Variants in KLRG1 observed in about 807,000 individuals in gnomAD.
The protein encoded by KLRG1 is killer cell lectin like receptor G1.
Under a neutral mutation model 21.8 loss-of-function variants are expected in KLRG1, and 16 were observed. The observed-to-expected ratio is 0.73, with a 90% confidence interval of 0.50 to 1.11. The LOEUF is 1.11. Among genes scored for constraint, KLRG1 ranks in the 50% most tolerant of loss-of-function variants. KLRG1 has a pLI of 0.00. For synonymous variants in KLRG1, 69 were observed against 75.9 expected, an observed-to-expected ratio of 0.91 and a Z score of 0.47; for missense variants, 173 against 218.3, an observed-to-expected ratio of 0.79 and a Z score of 1.31.
At chr12:9,028,342 G>A in the KLRG1 span, among the ~76,000 whole-genome samples, 2 of 151,228 alleles carry the variant, frequency 1.3e-5, no homozygotes, top group Admixed American at 6.6e-5. Context: ...ATAGAGACAG[G>A]TTTCACCATG....
chr12:8,990,970 A>G (rs1208747091), intron 1 of KLRG1, among the ~76,000 whole-genome samples: 3 of 152,164 alleles, frequency 2.0e-5, no homozygotes, highest in African/African-American at 7.2e-5. Flanking sequence ...ATTATGCAGA[A>G]TTCTCTATTT....
intron 3 of KLRG1, among the ~76,000 whole-genome samples, chr12:8,998,764 A>C (rs1235662744): frequency 2.0e-5 from 3 of 152,046 alleles, no homozygotes; most frequent in African/African-American, 4.8e-5. Flanking sequence ...CAGCTTCCAG[A>C]ATCCATTTTG....
intron 3 of KLRG1, among the ~76,000 whole-genome samples, chr12:9,003,945 C>T (rs7968963): frequency 0.33 from 50,041 of 150,222 alleles, 8,894 homozygotes; most frequent in Non-Finnish European, 0.39. Flanking sequence ...TGAGTGAGAA[C>T]ATGCGGTGTT....
chr12:9,021,528 G>A, the KLRG1 span, among the ~76,000 whole-genome samples: 1 of 150,742 alleles, frequency 6.6e-6, no homozygotes, highest in African/African-American at 2.4e-5. Context: ...AGCCTCCCGA[G>A]TAGCTGGGCC....
At chr12:9,162,576 A>C in the KLRG1 span, 4 of 1,539,534 alleles carry the variant, frequency 2.6e-6, no homozygotes, top group Non-Finnish European at 3.6e-6. Context: ...TCTCACTATG[A>C]TTATGAAGAT....
At chr12:8,981,949 T>C (rs1190069222) in intron 1 of KLRG1, among the ~76,000 whole-genome samples, 1 of 152,236 alleles carries the variant, frequency 6.6e-6, no homozygotes, top group Non-Finnish European at 1.5e-5. Context: ...TTATATATGC[T>C]TGATGCAATC....
the KLRG1 span, among the ~76,000 whole-genome samples, chr12:9,083,572 AG>A: frequency 6.6e-6 from 1 of 151,994 alleles, no homozygotes; most frequent in Non-Finnish European, 1.5e-5. Context: ...GTGAGCTCAA[AG>A]ATAGAGTATT....
the KLRG1 span, chr12:9,090,071 A>T: frequency 6.4e-7 from 1 of 1,564,758 alleles, no homozygotes; most frequent in Non-Finnish European, 8.7e-7. Context: ...CCCTTCCTCC[A>T]TGCCTCCAAA....
chr12:9,146,520 A>C, the KLRG1 span, among the ~76,000 whole-genome samples: 1 of 151,988 alleles, frequency 6.6e-6, no homozygotes, highest in African/African-American at 2.4e-5. Context: ...TCTAGAATGT[A>C]TTTTGTTCCT....
At chr12:9,192,682 G>A in the KLRG1 span, 4 of 1,613,936 alleles carry the variant, frequency 2.5e-6, no homozygotes, top group East Asian at 2.2e-5. Context: ...TGAGCACCCT[G>A]GTGGTCTTCT....
chr12:9,165,914 T>C, the KLRG1 span: 2 of 1,063,062 alleles, frequency 1.9e-6, no homozygotes, highest in South Asian at 3.2e-5. Context: ...ATTGCGCATT[T>C]TACTTAGGTC....
chr12:9,118,095 T>TA, the KLRG1 span, among the ~76,000 whole-genome samples: 194 of 152,208 alleles, frequency 1.3e-3, 2 homozygotes, highest in East Asian at 0.036. Context: ...GAGAATATAA[T>TA]AAAAAATACA....
Position 8,962,732 on chromosome 12 carries a change from AG to A in KLRG1, c.-156+12497del, listed in dbSNP as rs1169409538. Among the ~76,000 whole-genome samples, 650 of 148,192 alleles carry A rather than the reference AG, an allele frequency of 4.4e-3. 8 individuals are homozygous for A. The highest frequency in any genetic ancestry group is 0.015 in the African/African-American group (594 of 40,456). ...CCCTGTTTCCCAAAAAAAAAAAAAAAGAAAGAAAGAAAAAAAGTAAAGGAAA... is the reference window on the plus strand; with the variant it reads ...CCCTGTTTCCCAAAAAAAAAAAAAAAAAAGAAAGAAAAAAAGTAAAGGAAA... On this transcript the variant is annotated intron_variant, in intron 1 of 4. Coordinates refer to the KLRG1 transcript ENST00000539240.
At chr12:9,154,521 A>T in the KLRG1 span, 3 of 1,178,334 alleles carry the variant, frequency 2.5e-6, no homozygotes, top group African/African-American at 1.5e-5. Flanking sequence ...TCAATGATTT[A>T]ATAATTGCCT....
At chr12:8,955,393 T>C (rs2137197868) in intron 1 of KLRG1, among the ~76,000 whole-genome samples, 1 of 54,804 alleles carries the variant, frequency 1.8e-5, no homozygotes, top group East Asian at 2.7e-4. Context: ...TTTTTTTTTT[T>C]TTTTTTTTTT....
At chr12:9,116,046 T>C in the KLRG1 span, 1 of 612,938 alleles carries the variant, frequency 1.6e-6, no homozygotes, top group Non-Finnish European at 3.0e-6. Flanking sequence ...GATGGCCTAT[T>C]TATAGTCAAG....
At chr12:9,057,431 G>A in the KLRG1 span, among the ~76,000 whole-genome samples, 1 of 152,080 alleles carries the variant, frequency 6.6e-6, no homozygotes, top group East Asian at 1.9e-4. Context: ...ATTGGGTGAT[G>A]GCTACACTCA....
the KLRG1 span, among the ~76,000 whole-genome samples, chr12:9,207,576 A>G: frequency 3.3e-5 from 5 of 152,246 alleles, no homozygotes; most frequent in African/African-American, 9.6e-5. Flanking sequence ...AACACACAAG[A>G]GAAACCAGAT....
chr12:9,034,863 T>C, the KLRG1 span, among the ~76,000 whole-genome samples: 1 of 152,186 alleles, frequency 6.6e-6, no homozygotes, highest in Admixed American at 6.5e-5. Context: ...AACAAGGCAT[T>C]GTTATCACAG....
Sources: gnomAD v4.1 joint callset for allele counts (sites outside exome capture counted in the v4.1 genomes callset) on GRCh38, gnomAD v4.1.1 for gene constraint, MANE v1.5 for transcripts, NCBI Gene and HGNC (gene_info 2026-07-23, HGNC 2026-07-21) for gene names.